DGLUCY: variants seen among roughly 807,000 people sequenced by gnomAD.
DGLUCY encodes D-glutamate cyclase, mitochondrial.
DGLUCY carries 58 observed loss-of-function variants against 58.5 expected under a neutral mutation model. That is an observed-to-expected ratio of 0.99 (90% CI 0.80 to 1.23). DGLUCY has a LOEUF of 1.23. DGLUCY is among the 50% of genes most tolerant of loss of function. DGLUCY has a pLI of 0.00. For synonymous variants in DGLUCY, 325 were observed against 314.1 expected (o/e 1.03, Z -0.37); for missense variants, 779 against 784.7 (o/e 0.99, Z 0.09).
At chr14:91,195,670 G>GTTTTTTTT (rs1207157314) in intron 9 of DGLUCY, among the ~76,000 whole-genome samples, 9 of 120,674 alleles carry the variant, frequency 7.5e-5, no homozygotes, top group Non-Finnish European at 1.4e-4. Context: ...TTTGGGTTTT[G>GTTTTTTTT]TTTTTTTTTT....
intron 1 of DGLUCY, among the ~76,000 whole-genome samples, chr14:91,145,584 A>C (rs1305387579): frequency 6.6e-6 from 1 of 152,116 alleles, no homozygotes; most frequent in East Asian, 1.9e-4. Flanking sequence ...CGGGGTTGAC[A>C]CCAATGGTAC....
In DGLUCY at chr14:91,090,282, G is replaced by A. The variant is rs761096346; in HGVS notation, c.-82+29578G>A. Among the ~76,000 whole-genome samples the A allele has an allele frequency of 4.4e-4, 67 of 152,296 alleles. No individual in the cohort carries two copies. The Middle Eastern group carries it at 0.024, about 54-fold the overall frequency. On this transcript the variant is annotated intron_variant, in intron 1 of 4. Transcript: ENST00000521334. ...GCTTCCATCCCAGTCATGGATCTCG[G>A]TGAGGACCACTTACTCTCCCTGGAC...
intron 1 of DGLUCY, among the ~76,000 whole-genome samples, chr14:91,089,637 C>T (rs1316213443): frequency 1.3e-5 from 2 of 152,048 alleles, no homozygotes; most frequent in Non-Finnish European, 2.9e-5. Flanking sequence ...GCCTGGCCAA[C>T]ATGTGAAATC....
chr14:91,150,001 A>G (rs2047224928), intron 1 of DGLUCY, among the ~76,000 whole-genome samples: 1 of 152,008 alleles, frequency 6.6e-6, no homozygotes, highest in African/African-American at 2.4e-5. Context: ...CGGGCGTATC[A>G]CAAGGTCAGG....
chr14:91,146,453 A>G (rs1339232033), intron 1 of DGLUCY, among the ~76,000 whole-genome samples: 1 of 152,188 alleles, frequency 6.6e-6, no homozygotes, highest in Non-Finnish European at 1.5e-5. Context: ...CGGGGCATCT[A>G]TGCCCACTAA....
intron 12 of DGLUCY, among the ~76,000 whole-genome samples, chr14:91,210,807 G>C (rs983290593): frequency 6.6e-6 from 1 of 152,186 alleles, no homozygotes; most frequent in Non-Finnish European, 1.5e-5. Context: ...TTAGGAAAAA[G>C]GCAATGATGT....
exon 1 of DGLUCY, chr14:91,060,366 C>G (rs1306083113): frequency 6.7e-7 from 1 of 1,503,148 alleles, no homozygotes; most frequent in Non-Finnish European, 8.9e-7. Context: ...TGAGGAGCTG[C>G]TCTCCTCCGT....
intron 13 of DGLUCY, among the ~76,000 whole-genome samples, chr14:91,224,338 G>A (rs1887915364): frequency 6.6e-6 from 1 of 152,150 alleles, no homozygotes; most frequent in Admixed American, 6.5e-5. Flanking sequence ...TACCAGTCTG[G>A]GCAACATAGC....
chr14:91,179,081 C>G (rs146357663), intron 7 of DGLUCY, among the ~76,000 whole-genome samples: 2 of 152,122 alleles, frequency 1.3e-5, no homozygotes, highest in Non-Finnish European at 2.9e-5. Flanking sequence ...ACTCAATTCA[C>G]ATCTGCATTT....
At chr14:91,223,840 A>C (rs1020850890) in intron 13 of DGLUCY, 1 of 494,436 alleles carries the variant, frequency 2.0e-6, no homozygotes, top group Non-Finnish European at 3.2e-6. Context: ...CATGATGAGT[A>C]CTTTTATCAT....
chr14:91,094,558 G>C (rs2044364989), intron 1 of DGLUCY, among the ~76,000 whole-genome samples: 1 of 150,702 alleles, frequency 6.6e-6, no homozygotes, highest in African/African-American at 2.4e-5. Flanking sequence ...CTTCAGGCCT[G>C]GGTCAGGCGC....
intron 1 of DGLUCY, among the ~76,000 whole-genome samples, chr14:91,149,163 C>T (rs12589838): frequency 0.59 from 88,227 of 150,788 alleles, 26,372 homozygotes; most frequent in East Asian, 0.92. Flanking sequence ...AGGAGAATCA[C>T]TTGAACCCGT....
At chr14:91,089,983 C>T (rs779719586) in intron 1 of DGLUCY, among the ~76,000 whole-genome samples, 3 of 152,086 alleles carry the variant, frequency 2.0e-5, no homozygotes, top group Non-Finnish European at 2.9e-5. Flanking sequence ...CTCTATGCAC[C>T]CTACATACAA....
chr14:91,132,769 C>T (rs1430005067), intron 1 of DGLUCY, among the ~76,000 whole-genome samples: 3 of 151,770 alleles, frequency 2.0e-5, no homozygotes, highest in East Asian at 2.0e-4. Context: ...TGAGCCACTG[C>T]GCCCAGCCAG....
At chr14:91,127,868 C>T (rs1704069363) in intron 1 of DGLUCY, among the ~76,000 whole-genome samples, 1 of 151,778 alleles carries the variant, frequency 6.6e-6, no homozygotes, top group African/African-American at 2.4e-5. Context: ...ATCTTTTTCT[C>T]ACCGAGCTTA....
intron 1 of DGLUCY, chr14:91,147,673 A>T (rs1433429780): frequency 6.6e-6 from 1 of 152,250 alleles, no homozygotes; most frequent in Non-Finnish European, 1.5e-5. Context: ...TAGGCCTAGC[A>T]TGAGAGGATC....
chr14:91,065,506 A>T (rs949633548), intron 1 of DGLUCY, among the ~76,000 whole-genome samples: 10 of 152,180 alleles, frequency 6.6e-5, no homozygotes, highest in Non-Finnish European at 1.3e-4. Context: ...CTGAAAAATA[A>T]CAACAAAACA....
At chr14:91,102,743 A>ATGTGTGTGTG (rs548653144) in intron 1 of DGLUCY, among the ~76,000 whole-genome samples, 11,282 of 130,420 alleles carry the variant, frequency 0.087, 722 homozygotes, top group East Asian at 0.11. Flanking sequence ...TCCAGTGTGT[A>ATGTGTGTGTG]TGTGTGTGTG....
intron 1 of DGLUCY, among the ~76,000 whole-genome samples, chr14:91,129,676 C>T (rs540555635): frequency 6.7e-6 from 1 of 150,184 alleles, no homozygotes; most frequent in African/African-American, 2.4e-5. Context: ...GACGGAGTTT[C>T]ACTCTTGTTG....
Sources: gnomAD v4.1 joint callset for allele counts (sites outside exome capture counted in the v4.1 genomes callset) on GRCh38, gnomAD v4.1.1 for gene constraint, MANE v1.5 for transcripts, NCBI Gene and HGNC (gene_info 2026-07-23, HGNC 2026-07-21) for gene names.